The following NR3C2 variants were observed in gnomAD, a reference collection of about 807,000 sequenced individuals.
The protein encoded by NR3C2 is mineralocorticoid receptor.
NR3C2 carries 15 observed loss-of-function variants against 86.4 expected under a neutral mutation model. The observed-to-expected ratio is 0.17, with a 90% CI of 0.12 to 0.27. The LOEUF (loss-of-function observed/expected upper bound fraction) is 0.27. Among genes scored for constraint, NR3C2 ranks in the 10% least tolerant of loss-of-function variants. NR3C2 has a pLI of 1.00. For missense variants in NR3C2, 960 were observed against 1,195.6 expected, an observed-to-expected ratio of 0.80 and a Z score of 2.91; for synonymous variants, 458 against 450.5, an observed-to-expected ratio of 1.02 and a Z score of -0.21.
At chr4:148,245,791 C>A (rs3846321) in intron 3 of NR3C2, among the ~76,000 whole-genome samples, 26,457 of 151,908 alleles carry the variant, frequency 0.17, 3,021 homozygotes, top group East Asian at 0.47. Flanking sequence ...ATACTGTCTT[C>A]GATGAAAATT....
chr4:148,408,974 A>T (rs1160980380), intron 2 of NR3C2, among the ~76,000 whole-genome samples: 2 of 152,118 alleles, frequency 1.3e-5, no homozygotes, highest in Non-Finnish European at 2.9e-5. Flanking sequence ...CAACATACCA[A>T]ACTTTGTTGA....
At chr4:148,219,354 T>C (rs1441302480) in intron 3 of NR3C2, among the ~76,000 whole-genome samples, 1 of 152,206 alleles carries the variant, frequency 6.6e-6, no homozygotes, top group Non-Finnish European at 1.5e-5. Flanking sequence ...TTTATATATT[T>C]TGAATACAAG....
chr4:148,444,791 G>A (rs1430028989), upstream of NR3C2: 20 of 985,036 alleles, frequency 2.0e-5, no homozygotes, highest in Non-Finnish European at 2.3e-5. Flanking sequence ...GGCGGCGGCC[G>A]GGCCTCTGGC....
intron 2 of NR3C2, among the ~76,000 whole-genome samples, chr4:148,397,538 A>G (rs1282487790): frequency 6.6e-6 from 1 of 152,170 alleles, no homozygotes; most frequent in African/African-American, 2.4e-5. Context: ...AAACACACAC[A>G]CAAAGTAACA....
At position 148,344,747 on chromosome 4, in the gene NR3C2, T is replaced by A. The variant is rs1042991347; in HGVS notation, c.1758-84630A>T. On this transcript the variant is annotated intron_variant, in intron 2 of 8. Coordinates refer to ENST00000358102, the MANE Select transcript of NR3C2 (RefSeq NM_000901.5). ...ATTCTAAAAATCAGACAATTACGTA[T>A]GAATTATCTTGAGAAAAAACGGGAA... Among the ~76,000 whole-genome samples the A allele has an allele frequency of 2.6e-5, 4 of 152,274 alleles. No individual in the cohort carries two copies. The East Asian group carries it at 7.7e-4, about 29-fold the overall frequency.
At chr4:148,262,139 G>A (rs1740154498) in intron 2 of NR3C2, among the ~76,000 whole-genome samples, 1 of 152,172 alleles carries the variant, frequency 6.6e-6, no homozygotes, top group Non-Finnish European at 1.5e-5. Context: ...CCACGGTTTT[G>A]TAAATATTTA....
At chr4:148,205,313 T>C (rs1029041320) in intron 3 of NR3C2, among the ~76,000 whole-genome samples, 1 of 152,214 alleles carries the variant, frequency 6.6e-6, no homozygotes, top group Non-Finnish European at 1.5e-5. Flanking sequence ...TAGTTTTGGG[T>C]CTATAATGCT....
intron 3 of NR3C2, among the ~76,000 whole-genome samples, chr4:148,213,142 T>C (rs866108115): frequency 2.0e-5 from 3 of 151,942 alleles, no homozygotes; most frequent in Admixed American, 6.5e-5. Flanking sequence ...GATGGGTTTT[T>C]TTTTTTTTAG....
intron 6 of NR3C2, among the ~76,000 whole-genome samples, chr4:148,142,760 G>A (rs1372752256): frequency 8.5e-5 from 13 of 152,184 alleles, no homozygotes; most frequent in African/African-American, 2.4e-5. Flanking sequence ...ATGGCCTCCC[G>A]AAGTGTTGGT....
intron 6 of NR3C2, among the ~76,000 whole-genome samples, chr4:148,136,303 C>G (rs1409053877): frequency 6.6e-6 from 1 of 150,982 alleles, no homozygotes; most frequent in African/African-American, 2.4e-5. Flanking sequence ...GAGAAAGGGT[C>G]AAGCAGAAAC....
At chr4:148,257,240 C>A (rs183677354) in intron 3 of NR3C2, among the ~76,000 whole-genome samples, 2 of 152,284 alleles carry the variant, frequency 1.3e-5, no homozygotes, top group Admixed American at 6.5e-5. Context: ...TTTAAATATA[C>A]AAACATACAT....
intron 4 of NR3C2, among the ~76,000 whole-genome samples, chr4:148,186,781 A>C (rs1447919748): frequency 1.4e-5 from 2 of 144,958 alleles, no homozygotes; most frequent in South Asian, 4.5e-4. Context: ...TCTTCCCCCC[A>C]AGTCCCCAGA....
chr4:148,203,315 C>G (rs1579008024), intron 3 of NR3C2, among the ~76,000 whole-genome samples: 1 of 151,174 alleles, frequency 6.6e-6, no homozygotes, highest in South Asian at 2.1e-4. Context: ...GTAAGTTTCC[C>G]TATTTAAAAA....
intron 2 of NR3C2, among the ~76,000 whole-genome samples, chr4:148,277,347 C>T (rs1741009622): frequency 1.3e-5 from 2 of 152,140 alleles, no homozygotes; most frequent in Non-Finnish European, 2.9e-5. Context: ...CCTTCGAATC[C>T]TCATGGCTAC....
At chr4:148,117,940 C>T (rs939700762) in intron 7 of NR3C2, among the ~76,000 whole-genome samples, 1 of 152,224 alleles carries the variant, frequency 6.6e-6, no homozygotes, top group African/African-American at 2.4e-5. Flanking sequence ...GAAGTCCATA[C>T]CACCTGCCAT....
rs185606670 is a variant in NR3C2 at position 148,084,854 on chromosome 4, G to A, written c.2800-3355C>T. 5.5e-4 allele frequency among the ~76,000 whole-genome samples: 83 copies of A among 152,242 alleles called. 1 individual carries two copies. Among genetic ancestry groups the A allele is most frequent in the South Asian group, 1.9e-3 (9 of 4,812 alleles). ...CAAATGGAAAGCAAAAATAGCAGGG[G>A]TTCCAATCCTAGTGTCTGATAAAAC... On this transcript the variant is annotated intron_variant, in intron 8 of 8. Coordinates refer to ENST00000358102, the MANE Select transcript of NR3C2 (RefSeq NM_000901.5).
At chr4:148,124,709 T>G (rs1732666403) in intron 6 of NR3C2, among the ~76,000 whole-genome samples, 1 of 152,178 alleles carries the variant, frequency 6.6e-6, no homozygotes, top group South Asian at 2.1e-4. Flanking sequence ...CTTTTTAAAC[T>G]CCATTTAGCA....
chr4:148,125,843 TATG>T (rs1732721777), intron 6 of NR3C2, among the ~76,000 whole-genome samples: 1 of 152,184 alleles, frequency 6.6e-6, no homozygotes, highest in Non-Finnish European at 1.5e-5. Context: ...CAGATTTGCA[TATG>T]ATGATGATAA....
chr4:148,429,724 G>A (rs1054924736), intron 2 of NR3C2, among the ~76,000 whole-genome samples: 2 of 152,122 alleles, frequency 1.3e-5, no homozygotes, highest in Admixed American at 6.5e-5. Context: ...AAATGAAGAC[G>A]CTATCCATTT....
Sources: allele counts gnomAD v4.1 joint callset (sites outside exome capture counted in the v4.1 genomes callset), GRCh38; gene constraint gnomAD v4.1.1; transcripts MANE v1.5; gene names NCBI Gene and HGNC (gene_info 2026-07-23, HGNC 2026-07-21).